Variants in NCALD observed in about 807,000 individuals in gnomAD.
The protein encoded by NCALD is neurocalcin-delta.
Under a neutral mutation model 18.6 loss-of-function variants are expected in NCALD, and 10 were observed. That is an observed-to-expected ratio of 0.54 (90% CI 0.33 to 0.91). NCALD has a LOEUF of 0.91. NCALD is among the 40% of genes least tolerant of loss of function. NCALD has a pLI of 0.03. For synonymous variants in NCALD, 88 were observed against 87.4 expected, an observed-to-expected ratio of 1.01 and a Z score of -0.04; for missense variants, 184 against 247.6, an observed-to-expected ratio of 0.74 and a Z score of 1.72.
chr8:101,703,768 A>T (rs1050100052), intron 2 of NCALD, among the ~76,000 whole-genome samples: 2 of 152,206 alleles, frequency 1.3e-5, no homozygotes, highest in Non-Finnish European at 2.9e-5. Flanking sequence ...ATCACTGGAC[A>T]GAATAAAAGA....
intron 1 of NCALD, among the ~76,000 whole-genome samples, chr8:102,109,268 A>C (rs1162602014): frequency 1.3e-5 from 2 of 151,956 alleles, no homozygotes; most frequent in Non-Finnish European, 2.9e-5. Flanking sequence ...ATGTACACAT[A>C]AAAGGTATAA....
At chr8:101,793,126 G>A (rs948575379), upstream of NCALD, among the ~76,000 whole-genome samples, 7 of 152,116 alleles carry the variant, frequency 4.6e-5, no homozygotes, top group Non-Finnish European at 5.9e-5. Context: ...TGAGGCCGGT[G>A]GATCACAAGG....
At chr8:102,091,540 A>T (rs1198296362) in intron 1 of NCALD, among the ~76,000 whole-genome samples, 1 of 152,218 alleles carries the variant, frequency 6.6e-6, no homozygotes, top group East Asian at 1.9e-4. Context: ...ACCCCATATC[A>T]GCATGGTTTC....
At chr8:101,698,174 C>A (rs910914444) in intron 2 of NCALD, among the ~76,000 whole-genome samples, 2 of 152,096 alleles carry the variant, frequency 1.3e-5, no homozygotes, top group African/African-American at 4.8e-5. Context: ...AAATGAACTC[C>A]CATTCACAAT....
At chr8:101,952,594 T>C (rs1819472661) in intron 2 of NCALD, among the ~76,000 whole-genome samples, 2 of 152,238 alleles carry the variant, frequency 1.3e-5, no homozygotes, top group Admixed American at 1.3e-4. Flanking sequence ...AGAGCACCCG[T>C]GTTGTCAGCA....
At chr8:102,026,233 C>T (rs150488053) in intron 1 of NCALD, among the ~76,000 whole-genome samples, 7 of 152,292 alleles carry the variant, frequency 4.6e-5, no homozygotes, top group African/African-American at 1.7e-4. Context: ...TCCAACAGTA[C>T]CCAAAAGTCT....
At chr8:102,070,926 A>G (rs773584102) in intron 1 of NCALD, among the ~76,000 whole-genome samples, 1 of 152,174 alleles carries the variant, frequency 6.6e-6, no homozygotes, top group Non-Finnish European at 1.5e-5. Flanking sequence ...ATCTAAAAAT[A>G]ACATTGCTTT....
chr8:102,024,730 G>A (rs1822394198), intron 1 of NCALD, among the ~76,000 whole-genome samples: 1 of 152,110 alleles, frequency 6.6e-6, no homozygotes, highest in African/African-American at 2.4e-5. Flanking sequence ...TTGGACAACT[G>A]CAAGATCCTC....
chr8:102,051,577 G>C (rs1823461082), intron 1 of NCALD, among the ~76,000 whole-genome samples: 1 of 152,058 alleles, frequency 6.6e-6, no homozygotes, highest in Admixed American at 6.6e-5. Context: ...TCGTCAACTG[G>C]TTTACAAAAG....
intron 3 of NCALD, among the ~76,000 whole-genome samples, chr8:101,902,029 G>T (rs1254165716): frequency 6.6e-6 from 1 of 152,130 alleles, no homozygotes; most frequent in Non-Finnish European, 1.5e-5. Context: ...GACCTCAAGT[G>T]ATCCACCCAC....
intron 2 of NCALD, among the ~76,000 whole-genome samples, chr8:102,015,740 C>A (rs1384776032): frequency 6.6e-6 from 1 of 152,174 alleles, no homozygotes; most frequent in Non-Finnish European, 1.5e-5. Flanking sequence ...GTCACACAAA[C>A]TGTCCCCTTT....
At chr8:101,784,265 T>C (rs1812132179) in intron 1 of NCALD, among the ~76,000 whole-genome samples, 1 of 152,112 alleles carries the variant, frequency 6.6e-6, no homozygotes, top group African/African-American at 2.4e-5. Context: ...AAATACCTAC[T>C]CTTGGCCTCT....
intron 4 of NCALD, among the ~76,000 whole-genome samples, chr8:101,853,881 T>C (rs2131341205): frequency 6.6e-6 from 1 of 152,254 alleles, no homozygotes; most frequent in East Asian, 1.9e-4. Context: ...TAGGGTGACA[T>C]TAAGAAAACC....
rs945693753 is a variant in NCALD, at chr8:102,042,180, T to C, written c.-209-21891A>G. Among the ~76,000 whole-genome samples, 13 of 151,856 alleles carry C rather than the reference T, an allele frequency of 8.6e-5. 1 individual carries two copies. Among genetic ancestry groups the C allele is most frequent in the African/African-American group, 3.2e-4 (13 of 41,166 alleles). ...TATCTCAGTTTAGAGATTAATAGAC[T>C]CCAAGGCAGAATTTCAAAGTTAATG... On this transcript the variant is annotated intron_variant, in intron 1 of 6. Transcript: ENST00000311028.
intron 2 of NCALD, among the ~76,000 whole-genome samples, chr8:101,929,673 GAGGGAGGGAGGGAAGGAGGC>G (rs1302855603): frequency 8.2e-5 from 11 of 134,666 alleles, no homozygotes; most frequent in South Asian, 2.8e-4. Context: ...GGAAAGGAAG[GAGGGAGGGAGGGAAGGAGGC>G]AGGGAGGGAG....
At chr8:101,902,983 A>T (rs1351902701) in intron 3 of NCALD, among the ~76,000 whole-genome samples, 1 of 152,132 alleles carries the variant, frequency 6.6e-6, no homozygotes, top group Non-Finnish European at 1.5e-5. Flanking sequence ...GCAGGGGTGG[A>T]GAAGATCGAT....
chr8:102,113,414 C>A, intron 1 of NCALD, among the ~76,000 whole-genome samples: 1 of 152,180 alleles, frequency 6.6e-6, no homozygotes, highest in East Asian at 1.9e-4. Context: ...AAAAGTAGGT[C>A]TCTATCTGAT....
At chr8:101,743,670 G>C (rs1485863642) in intron 1 of NCALD, among the ~76,000 whole-genome samples, 1 of 152,126 alleles carries the variant, frequency 6.6e-6, no homozygotes, top group Non-Finnish European at 1.5e-5. Context: ...CAATTCTGAG[G>C]CTGTTTTCAT....
chr8:101,905,669 A>G (rs992023639), intron 3 of NCALD, among the ~76,000 whole-genome samples: 1 of 152,170 alleles, frequency 6.6e-6, no homozygotes, highest in Non-Finnish European at 1.5e-5. Context: ...AGATGTGGCC[A>G]TGCCACTCCC....
Sources: allele counts gnomAD v4.1 joint callset (sites outside exome capture counted in the v4.1 genomes callset), GRCh38; gene constraint gnomAD v4.1.1; transcripts MANE v1.5; gene names NCBI Gene and HGNC (gene_info 2026-07-23, HGNC 2026-07-21).